The following RBFOX1 variants were observed in gnomAD, a reference collection of about 807,000 sequenced individuals.
RBFOX1 encodes the protein RNA binding protein fox-1 homolog 1.
In RBFOX1, 8 loss-of-function variants were observed where a neutral mutation model predicts 57.7. The ratio of observed to expected loss-of-function variants is 0.14; its 90% CI spans 0.08 to 0.25. The LOEUF (loss-of-function observed/expected upper bound fraction) is 0.25. Among genes scored for constraint, RBFOX1 ranks in the 10% least tolerant of loss-of-function variants. The pLI is 1.00. For missense variants in RBFOX1, 611 were observed against 548.5 expected (o/e 1.11, Z -1.14); for synonymous variants, 326 against 222.4 (o/e 1.47, Z -4.15).
chr16:6,570,988 T>C (rs1381232253), intron 2 of RBFOX1, among the ~76,000 whole-genome samples: 1 of 152,084 alleles, frequency 6.6e-6, no homozygotes, highest in African/African-American at 2.4e-5. Flanking sequence ...AACATTATTG[T>C]TTACTAAATA....
intron 3 of RBFOX1, among the ~76,000 whole-genome samples, chr16:5,823,029 T>G (rs185947296): frequency 6.6e-6 from 1 of 152,208 alleles, no homozygotes. Flanking sequence ...CAAGGACTTA[T>G]TCATCAGTTT....
intron 2 of RBFOX1, among the ~76,000 whole-genome samples, chr16:6,493,856 C>T (rs923455411): frequency 6.6e-6 from 1 of 152,150 alleles, no homozygotes; most frequent in African/African-American, 2.4e-5. Flanking sequence ...TAGAAATAAT[C>T]AGTATAAACT....
At chr16:5,625,463 G>A (rs2048321405) in intron 3 of RBFOX1, among the ~76,000 whole-genome samples, 1 of 152,158 alleles carries the variant, frequency 6.6e-6, no homozygotes, top group Non-Finnish European at 1.5e-5. Context: ...TGGTGTGCCT[G>A]ACCGCTGCAC....
At chr16:5,413,056 AG>A (rs1183374608) in intron 1 of RBFOX1, among the ~76,000 whole-genome samples, 1 of 152,108 alleles carries the variant, frequency 6.6e-6, no homozygotes, top group Non-Finnish European at 1.5e-5. Flanking sequence ...AGGTTGCCCT[AG>A]GGGGTGTGCA....
At chr16:7,000,015 T>C (rs1158707865) in intron 3 of RBFOX1, among the ~76,000 whole-genome samples, 1 of 148,436 alleles carries the variant, frequency 6.7e-6, no homozygotes, top group Non-Finnish European at 1.5e-5. Context: ...GAGGTTGCAG[T>C]GAGCCAAGAT....
chr16:7,193,164 T>C (rs1402322625), intron 4 of RBFOX1, among the ~76,000 whole-genome samples: 1 of 152,156 alleles, frequency 6.6e-6, no homozygotes, highest in Non-Finnish European at 1.5e-5. Flanking sequence ...ATGGATCCAA[T>C]AGGATTACAT....
At chr16:6,942,707 CTT>C (rs2078764646) in intron 3 of RBFOX1, among the ~76,000 whole-genome samples, 1 of 152,140 alleles carries the variant, frequency 6.6e-6, no homozygotes, top group Non-Finnish European at 1.5e-5. Context: ...TGGGGCATCT[CTT>C]TGGACAAGTG....
intron 1 of RBFOX1, among the ~76,000 whole-genome samples, chr16:6,285,331 T>G (rs2076792487): frequency 6.6e-6 from 1 of 152,142 alleles, no homozygotes; most frequent in African/African-American, 2.4e-5. Context: ...TAAGACTATA[T>G]CTGGAAGTAT....
At chr16:6,865,017 T>TTTTTA (rs2059675137) in intron 3 of RBFOX1, among the ~76,000 whole-genome samples, 1 of 142,538 alleles carries the variant, frequency 7.0e-6, no homozygotes, top group Non-Finnish European at 1.5e-5. Flanking sequence ...TTTTTTTTTT[T>TTTTTA]TTGAGATCGA....
At chr16:7,155,736 T>TCC (rs2076971612) in intron 4 of RBFOX1, among the ~76,000 whole-genome samples, 1 of 83,408 alleles carries the variant, frequency 1.2e-5, no homozygotes, top group Non-Finnish European at 2.1e-5. Context: ...TATATATATA[T>TCC]ATACACACAC....
At chr16:6,646,485 G>C (rs1322585644) in intron 2 of RBFOX1, among the ~76,000 whole-genome samples, 1 of 152,002 alleles carries the variant, frequency 6.6e-6, no homozygotes, top group Non-Finnish European at 1.5e-5. Context: ...TGGGTCCTCG[G>C]TGGCAGATTA....
chr16:7,548,014 T>C (rs79310683), intron 5 of RBFOX1, among the ~76,000 whole-genome samples: 11,772 of 152,276 alleles, frequency 0.077, 636 homozygotes, highest in East Asian at 0.25. Flanking sequence ...CTGTTTTGGA[T>C]TGCTGTAAAG....
chr16:7,202,492 G>T (rs1006270253), intron 4 of RBFOX1, among the ~76,000 whole-genome samples: 1 of 152,158 alleles, frequency 6.6e-6, no homozygotes, highest in Non-Finnish European at 1.5e-5. Context: ...ATTTAAAAGA[G>T]GTGAATGTAG....
chr16:5,394,984 C>T (rs1162285223), intron 1 of RBFOX1, among the ~76,000 whole-genome samples: 1 of 152,192 alleles, frequency 6.6e-6, no homozygotes, highest in Non-Finnish European at 1.5e-5. Flanking sequence ...TGCCCTCTGG[C>T]CTGTACCTTC....
intron 1 of RBFOX1, among the ~76,000 whole-genome samples, chr16:6,045,902 C>A (rs1402990401): frequency 1.3e-5 from 2 of 152,244 alleles, no homozygotes; most frequent in African/African-American, 4.8e-5. Context: ...AAAAGCAGGG[C>A]AAAGGCCCTG....
intron 4 of RBFOX1, among the ~76,000 whole-genome samples, chr16:5,914,080 G>A (rs1368318659): frequency 6.6e-6 from 1 of 152,200 alleles, no homozygotes; most frequent in Non-Finnish European, 1.5e-5. Flanking sequence ...ACTTTCATGA[G>A]ATGTCTTGGG....
chr16:6,426,962 A>G (rs2093946939), intron 2 of RBFOX1, among the ~76,000 whole-genome samples: 1 of 152,114 alleles, frequency 6.6e-6, no homozygotes. Context: ...TTGCCTTTTC[A>G]GTATTCTATC....
In RBFOX1 at chr16:7,043,974, C is replaced by A. The variant is rs190138972; in HGVS notation, c.-15-8083C>A. 2.3e-3 allele frequency among the ~76,000 whole-genome samples: 347 copies of A among 152,242 alleles called. 2 individuals are homozygous for A. Among genetic ancestry groups the A allele is most frequent in the Admixed American group, 6.0e-3 (92 of 15,274 alleles). On this transcript the variant is annotated intron_variant, in intron 3 of 15. Transcript: ENST00000550418. ...TAATACCTTTTTCAATTCTCCAAGA[C>A]AAGTTGGGCCACCTCCTATGCACTG...
At chr16:7,071,011 T>G (rs1205068407) in intron 4 of RBFOX1, among the ~76,000 whole-genome samples, 2 of 152,154 alleles carry the variant, frequency 1.3e-5, no homozygotes, top group East Asian at 3.9e-4. Context: ...TCAAGCTACA[T>G]TTGCCATTAA....
Sources: allele counts gnomAD v4.1 joint callset (sites outside exome capture counted in the v4.1 genomes callset), GRCh38; gene constraint gnomAD v4.1.1; transcripts MANE v1.5; gene names NCBI Gene and HGNC (gene_info 2026-07-23, HGNC 2026-07-21).